Variants in SLC35F2 observed in about 807,000 individuals in gnomAD.
SLC35F2 encodes solute carrier family 35 member F2, also known as queuine/queuosine transporter SLC35F2.
In SLC35F2, 25 loss-of-function variants were observed where a neutral mutation model predicts 38.1. The ratio of observed to expected loss-of-function variants is 0.66; its 90% CI spans 0.48 to 0.92. The LOEUF (loss-of-function observed/expected upper bound fraction) is 0.92, where lower values mean the gene tolerates loss of function less well. Ranked by LOEUF, SLC35F2 falls within the 40% of genes least tolerant of loss-of-function variation. The pLI is 0.00. For synonymous variants in SLC35F2, 173 were observed against 181.7 expected (o/e 0.95, Z 0.38); for missense variants, 409 against 452.9 (o/e 0.90, Z 0.88).
At chr11:107,853,955 T>C (rs1421162588) in intron 1 of SLC35F2, among the ~76,000 whole-genome samples, 1 of 152,116 alleles carries the variant, frequency 6.6e-6, no homozygotes, top group South Asian at 2.1e-4. Flanking sequence ...CAGTGACTCA[T>C]GCCTGTGATC....
At chr11:107,848,973 C>A (rs1860136073) in intron 1 of SLC35F2, among the ~76,000 whole-genome samples, 1 of 152,114 alleles carries the variant, frequency 6.6e-6, no homozygotes, top group Non-Finnish European at 1.5e-5. Flanking sequence ...TTTGAGTAAA[C>A]TAGTCATATC....
intron 6 of SLC35F2, among the ~76,000 whole-genome samples, chr11:107,804,281 CT>C (rs1859361695): frequency 1.3e-5 from 2 of 152,014 alleles, no homozygotes; most frequent in Admixed American, 6.6e-5. Context: ...TTTTCTTTTC[CT>C]TTATTTATTT....
intron 1 of SLC35F2, among the ~76,000 whole-genome samples, chr11:107,840,993 C>T (rs1019948985): frequency 2.6e-5 from 4 of 151,966 alleles, no homozygotes; most frequent in Admixed American, 2.6e-4. Flanking sequence ...CCCTACAGGC[C>T]CCAAACCAGA....
In SLC35F2 at chr11:107,809,882, A is replaced by G. The variant is rs563752945; in HGVS notation, c.414+1785T>C. ...AAAAGGACTGCATTCTAGGAAGAAC[A>G]GAGCAGCACAGGGGAGAAGGAGCAG... On this transcript the variant is annotated intron_variant, in intron 3 of 7. Transcript: ENST00000525815. 10 of 985,408 alleles carry G rather than the reference A, an allele frequency of 1.0e-5. No individual in the cohort carries two copies. The East Asian group carries it at 1.1e-3, about 112-fold the overall frequency. The allele number at this position is 985,408 out of a possible 1,614,324, so 61.0% of individuals were successfully genotyped here. A position where few individuals can be genotyped will look rare whatever the true frequency, so the allele number is the denominator to read the frequency against.
At position 107,837,557 on chromosome 11, in the gene SLC35F2, G is replaced by A. The variant is rs184384314; in HGVS notation, c.110+21101C>T. The stretch of plus-strand genomic sequence containing the variant: ...AAAAAAAAAAAAATTAGCTGGGCAT[G>A]GTTGCACAGACCTGTAATCCCAGCT... On this transcript the variant is annotated intron_variant, in intron 1 of 7. Transcript: ENST00000525815. 3.6e-3 allele frequency among the ~76,000 whole-genome samples: 547 copies of A among 151,824 alleles called. 1 individual carries two copies. Among genetic ancestry groups the A allele is most frequent in the Middle Eastern group, 6.8e-3 (2 of 294 alleles).
intron 1 of SLC35F2, chr11:107,858,408 C>G (rs1860331710): frequency 1.1e-5 from 4 of 353,066 alleles, no homozygotes; most frequent in Middle Eastern, 7.2e-4. Context: ...GGGTTTCCCC[C>G]CAAATCCTCC....
chr11:107,807,577 A>AT (rs1299108015), intron 3 of SLC35F2, among the ~76,000 whole-genome samples: 152 of 96,258 alleles, frequency 1.6e-3, no homozygotes, highest in African/African-American at 5.0e-3. Flanking sequence ...TTTTATTATT[A>AT]TTATTTTTTT....
At chr11:107,814,401 G>A (rs1859530308) in intron 2 of SLC35F2, among the ~76,000 whole-genome samples, 1 of 151,302 alleles carries the variant, frequency 6.6e-6, no homozygotes, top group Non-Finnish European at 1.5e-5. Flanking sequence ...ATTGCAGTGA[G>A]CCAAGATCAC....
rs532916533 is a variant in SLC35F2 at position 107,844,816 on chromosome 11, T to A, written c.110+13842A>T. On this transcript the variant is annotated intron_variant, in intron 1 of 7. Transcript: ENST00000525815. ...GGTGAAACCCCATCTCTACTAAAAA[T>A]ACAAAAAAAATTAGCCAGGCGTGGT... 6.4e-4 allele frequency among the ~76,000 whole-genome samples: 95 copies of A among 149,332 alleles called. 1 individual carries two copies. The highest frequency in any genetic ancestry group is 2.2e-3 in the African/African-American group (90 of 40,492).
intron 1 of SLC35F2, among the ~76,000 whole-genome samples, chr11:107,857,732 G>A (rs1860315829): frequency 6.6e-6 from 1 of 152,114 alleles, no homozygotes; most frequent in Non-Finnish European, 1.5e-5. Flanking sequence ...TGAGTTGTCA[G>A]TGGCCAACGC....
At chr11:107,850,060 C>T (rs1860154064) in intron 1 of SLC35F2, among the ~76,000 whole-genome samples, 1 of 152,204 alleles carries the variant, frequency 6.6e-6, no homozygotes, top group Non-Finnish European at 1.5e-5. Flanking sequence ...CTGCCTCCTC[C>T]TTCTTTCAGA....
intron 1 of SLC35F2, among the ~76,000 whole-genome samples, chr11:107,830,497 T>A (rs529466621): frequency 6.9e-6 from 1 of 145,334 alleles, no homozygotes; most frequent in African/African-American, 2.6e-5. Flanking sequence ...GGCAGGAGAA[T>A]GGCGTGAACC....
At chr11:107,848,284 G>C (rs1194059895) in intron 1 of SLC35F2, among the ~76,000 whole-genome samples, 1 of 152,152 alleles carries the variant, frequency 6.6e-6, no homozygotes, top group Non-Finnish European at 1.5e-5. Flanking sequence ...AAAAAGGAGA[G>C]AAGGGTGAGG....
At chr11:107,805,657 AGTGT>A in intron 4 of SLC35F2, 142 bp from the exon 5 acceptor site, 10 of 1,435,626 alleles carry the variant, frequency 7.0e-6, no homozygotes, top group African/African-American at 2.9e-5. Flanking sequence ...TATGTGTGAG[AGTGT>A]GTGTGTGTGT....
intron 1 of SLC35F2, among the ~76,000 whole-genome samples, chr11:107,824,491 A>G (rs11212392): frequency 0.045 from 6,885 of 152,296 alleles, 276 homozygotes; most frequent in African/African-American, 0.11. Flanking sequence ...GCAAGTGAAA[A>G]CAGTGGTTCA....
intron 1 of SLC35F2, among the ~76,000 whole-genome samples, chr11:107,850,814 C>CAA (rs528066229): frequency 1.6e-5 from 2 of 121,414 alleles, no homozygotes; most frequent in African/African-American, 3.0e-5. Flanking sequence ...ACTCCGTCTC[C>CAA]AAAAAAAAAA....
intron 1 of SLC35F2, among the ~76,000 whole-genome samples, chr11:107,845,476 G>C (rs1003330879): frequency 6.6e-6 from 1 of 151,588 alleles, no homozygotes; most frequent in African/African-American, 2.4e-5. Flanking sequence ...AGCCATGTTT[G>C]TGCCACTGCA....
intron 1 of SLC35F2, among the ~76,000 whole-genome samples, chr11:107,853,719 C>CA (rs67932834): frequency 0.38 from 25,917 of 67,936 alleles, 4,573 homozygotes; most frequent in Admixed American, 0.46. Flanking sequence ...GACTCCGTCT[C>CA]AAAAAAAAAA....
At chr11:107,854,268 C>CA (rs1555088066) in intron 1 of SLC35F2, among the ~76,000 whole-genome samples, 61 of 96,460 alleles carry the variant, frequency 6.3e-4, no homozygotes, top group African/African-American at 2.2e-3. Context: ...CCTGTCTCTA[C>CA]GGAAAAAAAA....
Sources: allele counts gnomAD v4.1 joint callset (sites outside exome capture counted in the v4.1 genomes callset), GRCh38; gene constraint gnomAD v4.1.1; transcripts MANE v1.5; gene names NCBI Gene and HGNC (gene_info 2026-07-23, HGNC 2026-07-21).